The following FHIP1A variants were observed in gnomAD, a reference collection of about 807,000 sequenced individuals.
FHIP1A encodes FHF complex subunit HOOK interacting protein 1A, also known as FHF complex subunit HOOK-interacting protein 1A.
A neutral mutation model predicts 88.6 loss-of-function variants in FHIP1A; 61 were observed. The observed-to-expected ratio is 0.69, with a 90% CI of 0.56 to 0.85. The LOEUF is 0.85. FHIP1A is among the 40% of genes least tolerant of loss of function. FHIP1A has a pLI of 0.00. For synonymous variants in FHIP1A, 478 were observed against 496.0 expected (o/e 0.96, Z 0.48); for missense variants, 1,154 against 1,273.5 (o/e 0.91, Z 1.43).
chr4:151,620,375 A>G (rs2126862455), intron 7 of FHIP1A, among the ~76,000 whole-genome samples: 1 of 152,296 alleles, frequency 6.6e-6, no homozygotes, highest in East Asian at 1.9e-4. Flanking sequence ...TTGGGGGGCT[A>G]CTTTGCCCAA....
At chr4:151,510,025 T>C (rs1730973258) in intron 3 of FHIP1A, among the ~76,000 whole-genome samples, 1 of 152,170 alleles carries the variant, frequency 6.6e-6, no homozygotes, top group Admixed American at 6.5e-5. Flanking sequence ...TCTGGCCCTT[T>C]CCTTTTCCAT....
At chr4:151,431,828 A>G (rs984211059) in intron 1 of FHIP1A, among the ~76,000 whole-genome samples, 1 of 152,228 alleles carries the variant, frequency 6.6e-6, no homozygotes, top group Non-Finnish European at 1.5e-5. Context: ...TTCAGGATGG[A>G]TCATTTAGCT....
chr4:151,634,227 G>T (rs937277548), intron 8 of FHIP1A, among the ~76,000 whole-genome samples: 1 of 151,706 alleles, frequency 6.6e-6, no homozygotes, highest in African/African-American at 2.4e-5. Context: ...TGAAAGACTT[G>T]TGCACTGAAA....
intron 4 of FHIP1A, chr4:151,577,034 AT>A (rs557366618): frequency 1.9e-4 from 30 of 156,234 alleles, no homozygotes; most frequent in African/African-American, 6.2e-4. Flanking sequence ...CTTTTTGCAT[AT>A]TTTTTTACAT....
intron 3 of FHIP1A, among the ~76,000 whole-genome samples, chr4:151,533,229 T>C (rs1005889978): frequency 3.3e-5 from 5 of 152,092 alleles, no homozygotes; most frequent in African/African-American, 4.8e-5. Flanking sequence ...ACCCTGTCTT[T>C]ACAAAAATTT....
At chr4:151,563,500 C>T (rs954391358) in intron 3 of FHIP1A, among the ~76,000 whole-genome samples, 1 of 152,130 alleles carries the variant, frequency 6.6e-6, no homozygotes, top group Non-Finnish European at 1.5e-5. Context: ...TTTGACATCA[C>T]GTACCTTAGA....
intron 3 of FHIP1A, among the ~76,000 whole-genome samples, chr4:151,552,633 CT>C (rs2126747626): frequency 6.6e-6 from 1 of 152,066 alleles, no homozygotes; most frequent in South Asian, 2.1e-4. Context: ...AATGAGAACA[CT>C]TGGACACAGG....
At chr4:151,485,591 GTTTTT>G (rs869041330) in intron 3 of FHIP1A, among the ~76,000 whole-genome samples, 2 of 135,810 alleles carry the variant, frequency 1.5e-5, no homozygotes, top group African/African-American at 5.4e-5. Flanking sequence ...GGAGCTCAGA[GTTTTT>G]TTTTTTTTTT....
chr4:151,431,316 T>C (rs1203221735), intron 1 of FHIP1A, among the ~76,000 whole-genome samples: 1 of 152,120 alleles, frequency 6.6e-6, no homozygotes, highest in Non-Finnish European at 1.5e-5. Flanking sequence ...TACCTCCAAA[T>C]GCAATTGTCC....
At chr4:151,602,140 T>A (rs1734896772) in intron 7 of FHIP1A, among the ~76,000 whole-genome samples, 1 of 152,120 alleles carries the variant, frequency 6.6e-6, no homozygotes, top group Admixed American at 6.5e-5. Flanking sequence ...AAGATGAGAT[T>A]TGGGCAAATC....
intron 7 of FHIP1A, among the ~76,000 whole-genome samples, chr4:151,607,302 T>C (rs1735110771): frequency 1.3e-5 from 2 of 152,154 alleles, no homozygotes. Flanking sequence ...ACGAGGTAAT[T>C]AAAAGGCCCA....
intron 3 of FHIP1A, among the ~76,000 whole-genome samples, chr4:151,491,532 C>G (rs769172126): frequency 1.3e-5 from 2 of 151,980 alleles, no homozygotes; most frequent in African/African-American, 4.8e-5. Flanking sequence ...CAAAATAGAA[C>G]CTCCTTAAAG....
At chr4:151,571,974 G>A (rs1022516552) in intron 4 of FHIP1A, among the ~76,000 whole-genome samples, 2 of 152,200 alleles carry the variant, frequency 1.3e-5, no homozygotes, top group Non-Finnish European at 2.9e-5. Context: ...TTGGGAAGCC[G>A]AGGTGGGCGG....
At chr4:151,628,828 A>G (rs1289083603) in intron 7 of FHIP1A, among the ~76,000 whole-genome samples, 3 of 152,168 alleles carry the variant, frequency 2.0e-5, no homozygotes, top group Non-Finnish European at 2.9e-5. Context: ...AATGACCTCT[A>G]TTCATCAAGA....
chr4:151,597,949 A>T (rs1734713619), intron 7 of FHIP1A, among the ~76,000 whole-genome samples: 1 of 151,998 alleles, frequency 6.6e-6, no homozygotes, highest in Admixed American at 6.5e-5. Context: ...AAGCCAGTGG[A>T]TCTTAGCTTG....
At chr4:151,621,737 C>T (rs1735754493) in intron 7 of FHIP1A, among the ~76,000 whole-genome samples, 1 of 151,652 alleles carries the variant, frequency 6.6e-6, no homozygotes, top group African/African-American at 2.4e-5. Context: ...CATCAGCATT[C>T]AGTAGTATTG....
At chr4:151,639,376 A>G (rs1259350626) in intron 9 of FHIP1A, among the ~76,000 whole-genome samples, 2 of 152,226 alleles carry the variant, frequency 1.3e-5, no homozygotes, top group African/African-American at 4.8e-5. Context: ...ACAGCTATTA[A>G]GAAGACATTC....
At chr4:151,627,443 T>C (rs1735994610) in intron 7 of FHIP1A, among the ~76,000 whole-genome samples, 1 of 152,178 alleles carries the variant, frequency 6.6e-6, no homozygotes, top group Admixed American at 6.5e-5. Flanking sequence ...TGCTACATTA[T>C]TGGTGCAAAG....
intron 1 of FHIP1A, among the ~76,000 whole-genome samples, chr4:151,453,710 C>T (rs955444676): frequency 3.9e-5 from 6 of 152,142 alleles, no homozygotes; most frequent in East Asian, 3.9e-4. Flanking sequence ...TGCGTGGTGG[C>T]GCATACCTGT....
Sources: gnomAD v4.1 joint callset for allele counts (sites outside exome capture counted in the v4.1 genomes callset) on GRCh38, gnomAD v4.1.1 for gene constraint, MANE v1.5 for transcripts, NCBI Gene and HGNC (gene_info 2026-07-23, HGNC 2026-07-21) for gene names.